The following ALMS1 variants were observed in gnomAD, a reference collection of about 807,000 sequenced individuals.
ALMS1 encodes ALMS1 centrosome and basal body associated protein.
ALMS1 carries 271 observed loss-of-function variants against 352.2 expected under a neutral mutation model. That is an observed-to-expected ratio of 0.77 (90% CI 0.70 to 0.85). The LOEUF is 0.85. ALMS1 is among the 40% of genes least tolerant of loss of function. The pLI is 0.00. For synonymous variants in ALMS1, 1,865 were observed against 1,761.2 expected (o/e 1.06, Z -1.48); for missense variants, 5,445 against 4,870.7 (o/e 1.12, Z -3.51).
rs1306710085 is a variant in ALMS1 at position 73,542,377 on chromosome 2, T to C, written c.9907+7428T>C. ...ATTGATGGGACATATCTCAAAATAA[T>C]AAGAGCTATCTATGACAAACCCACA... On this transcript the variant is annotated intron_variant, in intron 12 of 22. Transcript: ENST00000613296. 1.3e-5 allele frequency among the ~76,000 whole-genome samples: 2 copies of C among 152,060 alleles called. 1 individual carries two copies. Among genetic ancestry groups the C allele is most frequent in the East Asian group, 3.9e-4 (2 of 5,190 alleles).
At position 73,462,291 on chromosome 2, in the gene ALMS1, G is replaced by A. The variant is rs1672221823; in HGVS notation, c.7674+6996G>A. Among the ~76,000 whole-genome samples, 3 of 152,206 alleles carry A rather than the reference G, an allele frequency of 2.0e-5. No homozygotes were observed. In the South Asian group the frequency reaches 6.2e-4, roughly 32 times the overall value. ...AACCCTATAAGCCAGAAGAGAGTGG[G>A]GGCCAATATTCAACATTCTTAAAGA... is the stretch of plus-strand genomic sequence containing the variant. On this transcript the variant is annotated intron_variant, in intron 9 of 22. Transcript: ENST00000613296.
intron 7 of ALMS1, among the ~76,000 whole-genome samples, chr2:73,438,341 C>T (rs1053316474): frequency 2.3e-4 from 35 of 152,148 alleles, no homozygotes; most frequent in African/African-American, 8.2e-4. Flanking sequence ...TTCAAATTGG[C>T]TCCAAAGTAT....
chr2:73,516,857 A>C (rs1673567565), intron 10 of ALMS1, among the ~76,000 whole-genome samples: 1 of 152,124 alleles, frequency 6.6e-6, no homozygotes, highest in Non-Finnish European at 1.5e-5. Context: ...TACCTTTAAA[A>C]GTTCTCTCCC....
chr2:73,609,876 ATG>A lies in ALMS1; in HGVS notation c.*268_*269del, dbSNP rs1298308724. ...TTCTCAAGAATAAGTCCCTTTTTGT[ATG>A]TGTTTTTATACTTTTAGAAAATAAA... is the stretch of plus-strand genomic sequence containing the variant. On this transcript the variant is annotated 3_prime_UTR_variant, in exon 23 of 23. Transcript: ENST00000613296. 1 of 461,186 alleles carries A rather than the reference ATG, an allele frequency of 2.2e-6. No individual in the cohort carries two copies. Among genetic ancestry groups the A allele is most frequent in the African/African-American group, 2.0e-5 (1 of 50,684 alleles). 28.6% of individuals were successfully genotyped at this position (461,186 alleles called of 1,614,324 possible).
At chr2:73,601,493 G>A (rs940955693) in intron 19 of ALMS1, 57 bp downstream of exon 19, 172 of 1,590,962 alleles carry the variant, frequency 1.1e-4, no homozygotes, top group Non-Finnish European at 1.4e-4. Context: ...AGGGCAAGGC[G>A]CAGAGAAGCT....
intron 7 of ALMS1, among the ~76,000 whole-genome samples, chr2:73,442,010 T>TA (rs1671728607): frequency 6.6e-6 from 1 of 152,186 alleles, no homozygotes; most frequent in Admixed American, 6.5e-5. Flanking sequence ...ACCTATGCCA[T>TA]GAAACTTTCC....
intron 9 of ALMS1, among the ~76,000 whole-genome samples, chr2:73,484,759 A>C (rs1023523135): frequency 6.6e-6 from 1 of 152,186 alleles, no homozygotes; most frequent in Non-Finnish European, 1.5e-5. Flanking sequence ...TATTTCTTGG[A>C]GGCTTTGCTC....
chr2:73,585,704 A>AT (rs1198102301), intron 16 of ALMS1, among the ~76,000 whole-genome samples: 1 of 143,208 alleles, frequency 7.0e-6, no homozygotes, highest in African/African-American at 2.6e-5. Flanking sequence ...GATGATGATC[A>AT]TTTTTGCATA....
intron 9 of ALMS1, among the ~76,000 whole-genome samples, chr2:73,477,476 A>G (rs1672606485): frequency 6.6e-6 from 1 of 151,470 alleles, no homozygotes; most frequent in East Asian, 1.9e-4. Flanking sequence ...TGGGTTTATG[A>G]TCTGCTTGTC....
chr2:73,394,472 C>T (rs961591949), intron 1 of ALMS1, among the ~76,000 whole-genome samples: 2 of 152,130 alleles, frequency 1.3e-5, no homozygotes, highest in African/African-American at 4.8e-5. Flanking sequence ...CTGCCTCAGC[C>T]TCCAGTAACT....
chr2:73,455,308 T>C lies in ALMS1; in HGVS notation c.7674+13T>C, dbSNP rs762200952. ...TGACTTGTCCAAGGTATAAAAGAAA[T>C]CTGGAAATGAAGAAAGTAAATATGA... On this transcript the variant is annotated intron_variant, in intron 9 of 22. Coordinates refer to ENST00000613296, the MANE Select transcript of ALMS1 (RefSeq NM_001378454.1). 1.2e-6 allele frequency: 2 copies of C among 1,613,736 alleles called. No homozygotes were observed. Among genetic ancestry groups the C allele is most frequent in the South Asian group, 1.1e-5 (1 of 91,058 alleles).
At position 73,576,913 on chromosome 2, in the gene ALMS1, G is replaced by A. The variant is rs539429557; in HGVS notation, c.11547+3489G>A. Among the ~76,000 whole-genome samples, 19 of 152,118 alleles carry A rather than the reference G, an allele frequency of 1.2e-4. 1 individual carries two copies. Among genetic ancestry groups the A allele is most frequent in the African/African-American group, 3.9e-4 (16 of 41,506 alleles). On this transcript the variant is annotated intron_variant, in intron 16 of 22. Transcript: ENST00000613296. ...GCTGGGATTACAGGCATGAGCCATT[G>A]TGCCTGGCCTGTTTTTTTCTTTTAT...
intron 12 of ALMS1, among the ~76,000 whole-genome samples, chr2:73,537,593 T>TA (rs1674057358): frequency 6.6e-6 from 1 of 152,150 alleles, no homozygotes. Context: ...TGGCCATATA[T>TA]AAAAAGAATA....
In ALMS1 at chr2:73,491,211, C is replaced by G. The variant is rs1237573573; in HGVS notation, c.9252C>G (p.Asn3084Lys). ...ASKARMNSEF[N>K]FDLHTVSSRS... The stretch of plus-strand genomic sequence containing the variant: ...AAGCGAGGATGAATAGTGAGTTTAA[C>G]TTTGACTTACATACTGTATCTTCGA... The change falls in exon 10 of 23, where the codon AAC becomes AAG. Residue 3084 changes from asparagine to lysine, a missense_variant. By Grantham distance (94) the Asn-to-Lys change is moderately conservative. Coordinates refer to ENST00000613296, the MANE Select transcript of ALMS1 (RefSeq NM_001378454.1). 6.2e-7 allele frequency: 1 copy of G among 1,614,148 alleles called. No individual in the cohort carries two copies. The highest frequency in any genetic ancestry group is 1.7e-5 in the Admixed American group (1 of 60,020).
chr2:73,609,618 G>A lies in ALMS1; in HGVS notation c.*6G>A. ...GAAAAGTTCCCTGGGACTGACACAA[G>A]TTTATTTTCCTCAGAGCCTTGGAAT... On this transcript the variant is annotated 3_prime_UTR_variant, in exon 23 of 23. Transcript: ENST00000613296. The A allele has an allele frequency of 6.2e-7, 1 of 1,613,914 alleles. No homozygotes were observed. Among genetic ancestry groups the A allele is most frequent in the Non-Finnish European group, 8.5e-7 (1 of 1,179,764 alleles).
chr2:73,543,970 A>T (rs545419680), intron 12 of ALMS1, among the ~76,000 whole-genome samples: 26 of 152,294 alleles, frequency 1.7e-4, no homozygotes, highest in Middle Eastern at 6.8e-3. Flanking sequence ...TTCCTCAGGG[A>T]TCTAGAACTA....
Position 73,602,333 on chromosome 2 carries a change from G to T in ALMS1, c.12263G>T (p.Gly4088Val), listed in dbSNP as rs748863278. The T allele has an allele frequency of 1.9e-6, 3 of 1,614,228 alleles. No individual in the cohort carries two copies. The East Asian group carries it at 6.7e-5, about 36-fold the overall frequency. Residue 4088 changes from glycine (G) to valine (V), a missense_variant, in exon 20 of 23, where the codon GGC becomes GTC. Gly to Val is a moderately radical substitution (Grantham distance 109). Coordinates refer to ENST00000613296, the MANE Select transcript of ALMS1 (RefSeq NM_001378454.1). ...TTCAACATTGACAGGGAACGGCAGG[G>T]CCACCAGAATCGCATGTGCCCGCTG... ...ALFNIDRERQ[G>V]HQNRMCPLPK...
In ALMS1 at chr2:73,432,309, A is replaced by G; in HGVS notation, c.1432+18A>G. 1 of 1,565,842 alleles carries G rather than the reference A, an allele frequency of 6.4e-7. No homozygotes were observed. The highest frequency in any genetic ancestry group is 8.8e-7 in the Non-Finnish European group (1 of 1,136,432). On this transcript the variant is annotated intron_variant, in intron 7 of 22. Transcript: ENST00000613296. ...AAAAGCAGGTACGTAGAAAAAGGAG[A>G]TAGTAAATGTCCTACTTACGGATAC...
intron 9 of ALMS1, among the ~76,000 whole-genome samples, chr2:73,488,358 G>A (rs575069189): frequency 1.2e-3 from 186 of 152,366 alleles, no homozygotes; most frequent in Non-Finnish European, 2.3e-3. Flanking sequence ...ACAGTGCCTG[G>A]ACTTGGCCTC....
Sources: allele counts gnomAD v4.1 joint callset (sites outside exome capture counted in the v4.1 genomes callset), GRCh38; gene constraint gnomAD v4.1.1; transcripts MANE v1.5; gene names NCBI Gene and HGNC (gene_info 2026-07-23, HGNC 2026-07-21).